ASTN1: variants seen among roughly 807,000 people sequenced by gnomAD.
ASTN1 encodes astrotactin-1.
In ASTN1, 41 loss-of-function variants were observed where a neutral mutation model predicts 140.7. The observed-to-expected ratio is 0.29, with a 90% CI of 0.23 to 0.38. ASTN1 has a LOEUF of 0.38. ASTN1 is among the 10% of genes least tolerant of loss of function. The pLI, the probability that ASTN1 is intolerant of heterozygous loss-of-function variation, is 1.00. For synonymous variants in ASTN1, 640 were observed against 652.2 expected (o/e 0.98, Z 0.29); for missense variants, 1,479 against 1,678.8 (o/e 0.88, Z 2.08).
At chr1:176,986,835 C>T (rs187207455) in intron 8 of ASTN1, among the ~76,000 whole-genome samples, 3 of 152,202 alleles carry the variant, frequency 2.0e-5, no homozygotes, top group East Asian at 1.9e-4. Flanking sequence ...AGAATTAACA[C>T]GTGTTAACTG....
chr1:176,950,580 G>T (rs760238705), intron 11 of ASTN1, among the ~76,000 whole-genome samples: 1 of 151,866 alleles, frequency 6.6e-6, no homozygotes, highest in East Asian at 1.9e-4. Flanking sequence ...ACTGCACTGG[G>T]CTCTGTTTCA....
In ASTN1 at chr1:176,861,641, A is replaced by G. The variant is rs1667965564; in HGVS notation, c.*2643T>C. The G allele has an allele frequency of 1.0e-6, 1 of 985,468 alleles. No homozygotes were observed. The highest frequency in any genetic ancestry group is 1.2e-6 in the Non-Finnish European group (1 of 829,960). 61.0% of individuals were successfully genotyped at this position (985,468 alleles called of 1,614,324 possible). On this transcript the variant is annotated 3_prime_UTR_variant, in exon 23 of 23. Transcript: ENST00000361833. The stretch of plus-strand genomic sequence containing the variant: ...ATATCAGCCTTTTTAACTTGAATGT[A>G]AGTAGGAGCCAGTCATAGGAGTTGT...
chr1:176,992,258 A>C (rs1160929680), intron 8 of ASTN1, among the ~76,000 whole-genome samples: 2 of 152,184 alleles, frequency 1.3e-5, no homozygotes, highest in African/African-American at 4.8e-5. Context: ...TTCTGCTACC[A>C]ATAGGAACAT....
At chr1:176,899,231 A>G (rs1172159400) in intron 16 of ASTN1, among the ~76,000 whole-genome samples, 4 of 152,224 alleles carry the variant, frequency 2.6e-5, no homozygotes, top group Non-Finnish European at 4.4e-5. Context: ...ATATTGTGGT[A>G]TGAGAATATC....
chr1:177,038,986 A>G (rs1159336412), intron 2 of ASTN1, among the ~76,000 whole-genome samples: 2 of 152,194 alleles, frequency 1.3e-5, no homozygotes, highest in Non-Finnish European at 2.9e-5. Flanking sequence ...TTCTCAAATC[A>G]GTGTCACATA....
Position 176,888,079 on chromosome 1 carries a change from T to C in ASTN1, c.3066A>G (p.Pro1022=). Residue 1022 remains proline (P), a synonymous_variant, in exon 18 of 23, where the codon CCA becomes CCG. Coordinates refer to ENST00000361833, the MANE Select transcript of ASTN1 (RefSeq NM_004319.3). The part of the protein sequence containing the change: ...ADGLPTCAPL[P]QPVLRLSTVH... ...GAGAAAGAGAACCATACACAGGCTG[T>C]GGGAGAGGCGCACAGGTGGGGAGTC... The C allele has an allele frequency of 6.2e-7, 1 of 1,614,066 alleles. No individual in the cohort carries two copies. The highest frequency in any genetic ancestry group is 8.5e-7 in the Non-Finnish European group (1 of 1,180,014).
intron 11 of ASTN1, among the ~76,000 whole-genome samples, chr1:176,952,609 T>C (rs979980304): frequency 6.6e-6 from 1 of 152,196 alleles, no homozygotes; most frequent in Non-Finnish European, 1.5e-5. Flanking sequence ...GCCTGAATCT[T>C]CTTTCTGCTG....
Position 177,024,721 on chromosome 1 carries a change from G to C in ASTN1, c.1132C>G (p.Arg378Gly). ...AAGGTGGTCTTATTCACAGGACTTC[G>C]GGGAGAACCCACTGAAAGTGAGACA... is the stretch of plus-strand genomic sequence containing the variant. Reference protein sequence around the residue: ...SRRRSRVGSPRSPVNKTTLTL... With the variant: ...SRRRSRVGSPGSPVNKTTLTL... Residue 378 changes from arginine to glycine, a missense_variant, in exon 6 of 23, where the codon CGA (arginine) becomes GGA (glycine). This residue lies in a region of ASTN1 where 729 missense variants were observed against 860.4 expected (regional missense o/e 0.85). Coordinates refer to ENST00000361833, the MANE Select transcript of ASTN1 (RefSeq NM_004319.3). 6.2e-7 allele frequency: 1 copy of C among 1,613,602 alleles called. No individual in the cohort carries two copies. Among genetic ancestry groups the C allele is most frequent in the Non-Finnish European group, 8.5e-7 (1 of 1,179,592 alleles).
At chr1:176,965,657 C>A (rs1006496650) in intron 8 of ASTN1, among the ~76,000 whole-genome samples, 3 of 152,166 alleles carry the variant, frequency 2.0e-5, no homozygotes, top group Admixed American at 2.0e-4. Flanking sequence ...AATCAACTGT[C>A]TGACCATGGA....
chr1:176,990,840 C>T (rs228006), intron 8 of ASTN1, among the ~76,000 whole-genome samples: 85,966 of 151,994 alleles, frequency 0.57, 24,748 homozygotes, highest in African/African-American at 0.61. Context: ...TCAGCCTAAA[C>T]GTTTCTTTCT....
chr1:177,113,294 C>T (rs1310075880), intron 1 of ASTN1, among the ~76,000 whole-genome samples: 3 of 152,186 alleles, frequency 2.0e-5, no homozygotes, highest in Admixed American at 6.5e-5. Flanking sequence ...CCACTGTCCC[C>T]CCAACCCCCA....
chr1:177,143,965 A>T (rs1175850191), intron 1 of ASTN1, among the ~76,000 whole-genome samples: 1 of 152,130 alleles, frequency 6.6e-6, no homozygotes, highest in Non-Finnish European at 1.5e-5. Context: ...AATATTATTT[A>T]AAAATAATAA....
chr1:176,862,603 G>C lies in ASTN1; in HGVS notation c.*1681C>G, dbSNP rs930181352. The C allele has an allele frequency of 2.6e-5, 26 of 982,082 alleles. No homozygotes were observed. The highest frequency in any genetic ancestry group is 6.2e-5 in the Admixed American group (1 of 16,254). The allele number at this position is 982,082 out of a possible 1,614,324, so 60.8% of individuals were successfully genotyped here. A position where few individuals can be genotyped will look rare whatever the true frequency, so the allele number is the denominator to read the frequency against. On this transcript the variant is annotated 3_prime_UTR_variant, in exon 23 of 23. Coordinates refer to ENST00000361833, the MANE Select transcript of ASTN1 (RefSeq NM_004319.3). ...AGTAGCTAAGATCCTGTGCCCTGGAGACCAACAGCCTGAAATCACACTGAA... is the reference window on the plus strand; with the variant it reads ...AGTAGCTAAGATCCTGTGCCCTGGACACCAACAGCCTGAAATCACACTGAA...
At chr1:176,857,904 A>G (rs1388711209), downstream of ASTN1, among the ~76,000 whole-genome samples, 1 of 152,186 alleles carries the variant, frequency 6.6e-6, no homozygotes, top group Non-Finnish European at 1.5e-5. Context: ...AGTCGGTTTC[A>G]TCTCTAAGTT....
intron 8 of ASTN1, among the ~76,000 whole-genome samples, chr1:176,999,145 A>G (rs1158316136): frequency 6.6e-6 from 1 of 152,230 alleles, no homozygotes; most frequent in Non-Finnish European, 1.5e-5. Flanking sequence ...ATAAAACTAC[A>G]TGGCTTAGAG....
chr1:177,082,953 A>C (rs1679251644), intron 1 of ASTN1, among the ~76,000 whole-genome samples: 1 of 152,206 alleles, frequency 6.6e-6, no homozygotes, highest in South Asian at 2.1e-4. Flanking sequence ...TGCATAAGGC[A>C]CATGTGGATG....
Position 176,864,399 on chromosome 1 carries a change from T to C in ASTN1, c.3770A>G (p.Glu1257Gly). The C allele has an allele frequency of 6.2e-7, 1 of 1,614,156 alleles. No individual in the cohort carries two copies. The highest frequency in any genetic ancestry group is 8.5e-7 in the Non-Finnish European group (1 of 1,180,032). The change falls in exon 23 of 23, where the codon GAG (glutamate) becomes GGG (glycine). Residue 1257 changes from glutamate (E) to glycine (G), a missense_variant. Physicochemically the swap from Glu to Gly is moderately conservative, Grantham distance 98 (BLOSUM62 -2). Around this residue, in one of 3 missense-constraint regions of ASTN1, gnomAD observed 746 missense variants for 800.9 expected, o/e 0.93. Coordinates refer to ENST00000361833, the MANE Select transcript of ASTN1 (RefSeq NM_004319.3). ...SLKYLGCRYS[E>G]IKPYGLDWAE... ...CCAGTCAAGTCCGTAGGGTTTGATC[T>C]CGCTGTAGCGGCACCCCAGGTACTT... is the stretch of plus-strand genomic sequence containing the variant.
At chr1:176,973,125 G>T (rs902117724) in intron 8 of ASTN1, among the ~76,000 whole-genome samples, 2 of 151,954 alleles carry the variant, frequency 1.3e-5, no homozygotes, top group South Asian at 4.2e-4. Context: ...TTTTCCCATG[G>T]TCATGTCCTA....
intron 16 of ASTN1, among the ~76,000 whole-genome samples, chr1:176,911,479 A>G (rs1439223769): frequency 2.0e-5 from 3 of 152,192 alleles, no homozygotes; most frequent in Non-Finnish European, 4.4e-5. Flanking sequence ...CAGCCATATG[A>G]AAATATTTTT....
Sources: gnomAD v4.1 joint callset for allele counts (sites outside exome capture counted in the v4.1 genomes callset) on GRCh38, gnomAD v4.1.1 for gene constraint, gnomAD v4.1.1 regional missense constraint, MANE v1.5 for transcripts, NCBI Gene and HGNC (gene_info 2026-07-23, HGNC 2026-07-21) for gene names.